Variants in RBFOX1 observed in about 807,000 individuals in gnomAD.
RBFOX1 encodes RNA binding protein fox-1 homolog 1.
In RBFOX1, 8 loss-of-function variants were observed where a neutral mutation model predicts 57.7. The ratio of observed to expected loss-of-function variants is 0.14; its 90% CI spans 0.08 to 0.25. The LOEUF is 0.25. Ranked by LOEUF, RBFOX1 falls within the 10% of genes least tolerant of loss-of-function variation. The pLI is 1.00. For synonymous variants in RBFOX1, 326 were observed against 222.4 expected (o/e 1.47, Z -4.15); for missense variants, 611 against 548.5 (o/e 1.11, Z -1.14).
chr16:6,174,789 CA>C (rs2096990858), intron 1 of RBFOX1, among the ~76,000 whole-genome samples: 1 of 152,154 alleles, frequency 6.6e-6, no homozygotes. Flanking sequence ...GCTCCTTTTG[CA>C]TCCTGTGGCT....
chr16:5,446,105 G>A (rs2068231026), intron 1 of RBFOX1, among the ~76,000 whole-genome samples: 2 of 152,296 alleles, frequency 1.3e-5, no homozygotes, highest in South Asian at 4.1e-4. Context: ...CAGTCTTGTA[G>A]GACATTAATG....
At position 7,177,946 on chromosome 16, in the gene RBFOX1, C is replaced by G. The variant is rs2081993509; in HGVS notation, c.27+125848C>G. Among the ~76,000 whole-genome samples, 3 of 152,164 alleles carry G rather than the reference C, an allele frequency of 2.0e-5. No individual in the cohort carries two copies. In the South Asian group the frequency reaches 6.2e-4, roughly 32 times the overall value. ...CCTTTTGTAGGTGTGCTCAGAAGAT[C>G]AACTGGAGAGCAGACACAACATGCT... On this transcript the variant is annotated intron_variant, in intron 4 of 15. Coordinates refer to ENST00000550418, the MANE Select transcript of RBFOX1 (RefSeq NM_018723.4).
At chr16:6,617,981 A>C (rs2098168074) in intron 2 of RBFOX1, among the ~76,000 whole-genome samples, 1 of 152,182 alleles carries the variant, frequency 6.6e-6, no homozygotes, top group Admixed American at 6.5e-5. Flanking sequence ...TGCTTTCAGA[A>C]GGCTACCCTT....
chr16:7,094,395 G>GA (rs2061351926), intron 4 of RBFOX1, among the ~76,000 whole-genome samples: 1 of 141,970 alleles, frequency 7.0e-6, no homozygotes, highest in Non-Finnish European at 1.6e-5. Context: ...GACATTCCAG[G>GA]TGAAAAAAAA....
chr16:6,035,303 C>A (rs182551458), intron 1 of RBFOX1, among the ~76,000 whole-genome samples: 1 of 152,188 alleles, frequency 6.6e-6, no homozygotes, highest in African/African-American at 2.4e-5. Flanking sequence ...TTCCATTCAG[C>A]CGTCTCAGCC....
chr16:6,562,834 TTC>T (rs1491411137), intron 2 of RBFOX1, among the ~76,000 whole-genome samples: 95 of 51,284 alleles, frequency 1.9e-3, no homozygotes, highest in Middle Eastern at 0.011. Context: ...CTTGATTCTT[TTC>T]TTTCTTTCTT....
At chr16:7,182,915 T>G (rs2083008600) in intron 4 of RBFOX1, among the ~76,000 whole-genome samples, 1 of 152,180 alleles carries the variant, frequency 6.6e-6, no homozygotes, top group African/African-American at 2.4e-5. Flanking sequence ...CATGCCCTGG[T>G]CATAAATTAT....
chr16:5,401,004 A>G (rs2066699219), intron 1 of RBFOX1, among the ~76,000 whole-genome samples: 2 of 152,152 alleles, frequency 1.3e-5, no homozygotes, highest in South Asian at 2.1e-4. Context: ...GTTAAGGCAG[A>G]TATTTTCCAG....
intron 3 of RBFOX1, among the ~76,000 whole-genome samples, chr16:5,710,350 G>C (rs1390981848): frequency 6.6e-6 from 1 of 152,160 alleles, no homozygotes; most frequent in Non-Finnish European, 1.5e-5. Context: ...TAAATGTAGG[G>C]ATGGCTGCCT....
At chr16:6,213,578 A>G (rs776017056) in intron 1 of RBFOX1, among the ~76,000 whole-genome samples, 1 of 152,206 alleles carries the variant, frequency 6.6e-6, no homozygotes, top group Non-Finnish European at 1.5e-5. Flanking sequence ...AAGTTGCGTA[A>G]GTCATGCCAA....
At chr16:5,360,697 A>T (rs2065523076) in intron 1 of RBFOX1, among the ~76,000 whole-genome samples, 1 of 152,212 alleles carries the variant, frequency 6.6e-6, no homozygotes, top group Non-Finnish European at 1.5e-5. Context: ...GGACGTAGGG[A>T]AACTGGCAGG....
chr16:7,394,122 G>C (rs139038445), intron 4 of RBFOX1, among the ~76,000 whole-genome samples: 52 of 151,218 alleles, frequency 3.4e-4, no homozygotes, highest in African/African-American at 1.2e-3. Context: ...TGTAATCCTA[G>C]CTACTCTGGA....
chr16:5,934,626 T>G (rs1306125927), intron 4 of RBFOX1, among the ~76,000 whole-genome samples: 1 of 152,180 alleles, frequency 6.6e-6, no homozygotes, highest in East Asian at 1.9e-4. Context: ...AAAGAAATGA[T>G]AAATATTTGA....
rs1008486007 is a variant in RBFOX1 at position 5,800,235 on chromosome 16, A to C, written c.319-67068A>C. On this transcript the variant is annotated intron_variant, in intron 3 of 19. Coordinates refer to the RBFOX1 transcript ENST00000641259. The stretch of plus-strand genomic sequence containing the variant: ...CAAGGGCCACAGGTGATGCTCTGGC[A>C]TGTCCAGTCCAATGGTGTGTAGCCT... Among the ~76,000 whole-genome samples the C allele has an allele frequency of 6.6e-5, 10 of 152,220 alleles. 1 individual carries two copies. Among genetic ancestry groups the C allele is most frequent in the Admixed American group, 1.3e-4 (2 of 15,278 alleles).
At chr16:6,438,005 C>A (rs574638177) in intron 2 of RBFOX1, among the ~76,000 whole-genome samples, 1 of 152,294 alleles carries the variant, frequency 6.6e-6, no homozygotes, top group East Asian at 1.9e-4. Flanking sequence ...TTGGTCTTGA[C>A]TCTTGTGCCA....
At chr16:7,526,607 A>C (rs2078767070) in intron 5 of RBFOX1, among the ~76,000 whole-genome samples, 1 of 152,206 alleles carries the variant, frequency 6.6e-6, no homozygotes, top group Non-Finnish European at 1.5e-5. Flanking sequence ...TTACATTGAA[A>C]GTTTGGCAAA....
chr16:7,262,312 T>TG (rs1293806690), intron 4 of RBFOX1, among the ~76,000 whole-genome samples: 4 of 117,876 alleles, frequency 3.4e-5, no homozygotes, highest in Admixed American at 8.5e-5. Context: ...CCCATTTCTC[T>TG]ATTTTTTTTT....
rs1339071210 is a variant in RBFOX1, at chr16:6,313,362, G to A, written c.-126-3633G>A. ...TTGTAAGGGTCACACTCCTTGACCT[G>A]CATGGGGGCAAGGGGTGCAAGCCTG... On this transcript the variant is annotated intron_variant, in intron 1 of 15. Transcript: ENST00000550418. 2.0e-5 allele frequency among the ~76,000 whole-genome samples: 3 copies of A among 152,220 alleles called. No individual in the cohort carries two copies. In the East Asian group the frequency reaches 5.8e-4, roughly 29 times the overall value.
intron 2 of RBFOX1, among the ~76,000 whole-genome samples, chr16:6,496,382 C>T (rs1183478493): frequency 2.0e-5 from 3 of 152,150 alleles, no homozygotes; most frequent in Non-Finnish European, 2.9e-5. Flanking sequence ...ACCTGCTTTG[C>T]GGCAGGCGTT....
Sources: gnomAD v4.1 joint callset for allele counts (sites outside exome capture counted in the v4.1 genomes callset) on GRCh38, gnomAD v4.1.1 for gene constraint, MANE v1.5 for transcripts, NCBI Gene and HGNC (gene_info 2026-07-23, HGNC 2026-07-21) for gene names.